POU2AF2: variants seen among roughly 807,000 people sequenced by gnomAD.
The protein encoded by POU2AF2 is POU class 2 homeobox associating factor 2.
At chr11:111,271,535 C>A in the POU2AF2 span, among the ~76,000 whole-genome samples, 2 of 152,056 alleles carry the variant, frequency 1.3e-5, no homozygotes, top group African/African-American at 4.8e-5. Context: ...GATCTTCCTG[C>A]CTCAGCCTCC....
At chr11:111,285,138 C>T in the POU2AF2 span, among the ~76,000 whole-genome samples, 2 of 152,120 alleles carry the variant, frequency 1.3e-5, no homozygotes, top group Admixed American at 1.3e-4. Flanking sequence ...ACGAATGAAT[C>T]CAAATCTTTC....
chr11:111,279,311 A>G, the POU2AF2 span, among the ~76,000 whole-genome samples: 2 of 152,248 alleles, frequency 1.3e-5, no homozygotes, highest in East Asian at 1.9e-4. Flanking sequence ...TTTGTCATCA[A>G]TCACCCCTGT....
chr11:111,259,309 C>CTT, the POU2AF2 span, among the ~76,000 whole-genome samples: 652 of 129,976 alleles, frequency 5.0e-3, 6 homozygotes, highest in African/African-American at 0.013. Context: ...TTCCACATTC[C>CTT]TTTTTTTTTT....
At chr11:111,259,688 G>C in the POU2AF2 span, among the ~76,000 whole-genome samples, 1 of 151,912 alleles carries the variant, frequency 6.6e-6, no homozygotes, top group African/African-American at 2.4e-5. Context: ...CAAACAAACG[G>C]GTTTTTTAAA....
At chr11:111,271,352 G>C in the POU2AF2 span, among the ~76,000 whole-genome samples, 2 of 151,970 alleles carry the variant, frequency 1.3e-5, no homozygotes, top group Non-Finnish European at 2.9e-5. Context: ...AGTTCTGAAG[G>C]ATCACTGCCT....
the POU2AF2 span, among the ~76,000 whole-genome samples, chr11:111,269,667 G>A: frequency 6.6e-6 from 1 of 152,214 alleles, no homozygotes; most frequent in East Asian, 1.9e-4. Context: ...TGACCAAAGT[G>A]CATCTCAGTG....
the POU2AF2 span, among the ~76,000 whole-genome samples, chr11:111,261,167 C>A: frequency 6.6e-6 from 1 of 151,606 alleles, no homozygotes; most frequent in Admixed American, 6.6e-5. Context: ...TTTCTTTTTT[C>A]TTTCTTGAAT....
the POU2AF2 span, chr11:111,284,409 A>G: frequency 1.7e-5 from 27 of 1,550,722 alleles, no homozygotes; most frequent in East Asian, 6.1e-4. Context: ...GTGAGGGAGT[A>G]AAAGAGGGGC....
chr11:111,265,142 G>T, the POU2AF2 span, among the ~76,000 whole-genome samples: 6 of 152,080 alleles, frequency 3.9e-5, no homozygotes, highest in Non-Finnish European at 8.8e-5. Flanking sequence ...TCCCTGTGAC[G>T]TGCAGCGGAT....
chr11:111,263,324 A>T, the POU2AF2 span, among the ~76,000 whole-genome samples: 2 of 151,740 alleles, frequency 1.3e-5, no homozygotes, highest in Non-Finnish European at 2.9e-5. Flanking sequence ...AATAGACCTG[A>T]GTCTCAGACA....
the POU2AF2 span, among the ~76,000 whole-genome samples, chr11:111,248,004 C>T: frequency 6.6e-6 from 1 of 151,338 alleles, no homozygotes; most frequent in Non-Finnish European, 1.5e-5. Context: ...CTGCCTCAGC[C>T]TCCCGAGTAG....
the POU2AF2 span, among the ~76,000 whole-genome samples, chr11:111,274,021 C>A: frequency 3.3e-4 from 50 of 152,240 alleles, 1 homozygote; most frequent in East Asian, 7.5e-3. Context: ...GGAGGATTTG[C>A]AGGATAAGAG....
the POU2AF2 span, among the ~76,000 whole-genome samples, chr11:111,273,845 G>A: frequency 4.6e-5 from 7 of 152,182 alleles, no homozygotes; most frequent in Middle Eastern, 3.2e-3. Context: ...CGTGTTAGCT[G>A]CAGGAAGTTG....
the POU2AF2 span, among the ~76,000 whole-genome samples, chr11:111,268,443 T>A: frequency 6.6e-6 from 1 of 151,950 alleles, no homozygotes; most frequent in South Asian, 2.1e-4. Flanking sequence ...GGTGGCCCAA[T>A]GTGTGTTTTA....
At chr11:111,272,248 C>T in the POU2AF2 span, among the ~76,000 whole-genome samples, 1 of 152,066 alleles carries the variant, frequency 6.6e-6, no homozygotes, top group Non-Finnish European at 1.5e-5. Flanking sequence ...AATCACATTC[C>T]CCCAGGACAG....
chr11:111,264,491 CGAAA>C, the POU2AF2 span, among the ~76,000 whole-genome samples: 757 of 86,014 alleles, frequency 8.8e-3, 3 homozygotes, highest in East Asian at 0.016. Context: ...GCAAGACTCA[CGAAA>C]GAAAGAAAGA....
the POU2AF2 span, among the ~76,000 whole-genome samples, chr11:111,268,485 TTATTTTA>T: frequency 1.6e-3 from 47 of 29,746 alleles, no homozygotes; most frequent in African/African-American, 4.9e-3. Context: ...TTTTTTTATT[TTATTTTA>T]TTTTATTTTA....
chr11:111,276,641 C>CA, the POU2AF2 span, among the ~76,000 whole-genome samples: 24 of 100,738 alleles, frequency 2.4e-4, no homozygotes, highest in Admixed American at 5.9e-4. Context: ...GATTCCATCA[C>CA]AAAAAAAAAA....
the POU2AF2 span, among the ~76,000 whole-genome samples, chr11:111,257,909 G>C: frequency 6.6e-6 from 1 of 152,122 alleles, no homozygotes; most frequent in Non-Finnish European, 1.5e-5. Context: ...CTTGAGGCCA[G>C]GAGTTCCAGA....
Sources: allele counts gnomAD v4.1 joint callset (sites outside exome capture counted in the v4.1 genomes callset), GRCh38; gene constraint gnomAD v4.1.1; transcripts MANE v1.5; gene names NCBI Gene and HGNC (gene_info 2026-07-23, HGNC 2026-07-21).